ATP1A2: variants seen among roughly 807,000 people sequenced by gnomAD.
The protein encoded by ATP1A2 is ATPase Na+/K+ transporting subunit alpha 2.
ATP1A2 carries 56 observed loss-of-function variants against 113.1 expected under a neutral mutation model. The ratio of observed to expected loss-of-function variants is 0.49; its 90% CI spans 0.40 to 0.62. The LOEUF is 0.62. Among genes scored for constraint, ATP1A2 ranks in the 20% least tolerant of loss-of-function variants. ATP1A2 has a pLI of 0.00. For synonymous variants in ATP1A2, 490 were observed against 526.8 expected, an observed-to-expected ratio of 0.93 and a Z score of 0.96; for missense variants, 712 against 1,357.8, an observed-to-expected ratio of 0.52 and a Z score of 7.47.
At position 160,129,124 on chromosome 1, in the gene ATP1A2, G is replaced by A. The variant is rs983157919; in HGVS notation, c.1326+35G>A. 2.0e-6 allele frequency: 3 copies of A among 1,517,970 alleles called. No homozygotes were observed. The African/African-American group carries it at 5.7e-5, about 29-fold the overall frequency. 94.0% of individuals were successfully genotyped at this position (1,517,970 alleles called of 1,614,324 possible). A position where few individuals can be genotyped will look rare whatever the true frequency, so the allele number is the denominator to read the frequency against. On this transcript the variant is annotated intron_variant, in intron 10 of 22. Transcript: ENST00000361216. ...CAGGACACACACCAGGTATGTTTTG[G>A]GGGTGTCTCCAAAGCCTCTTGCTGG...
chr1:160,137,695 T>G (rs1651998808), intron 20 of ATP1A2, among the ~76,000 whole-genome samples: 1 of 152,208 alleles, frequency 6.6e-6, no homozygotes, highest in African/African-American at 2.4e-5. Flanking sequence ...AACTCAGTAA[T>G]GACTGTGATT....
intron 1 of ATP1A2, among the ~76,000 whole-genome samples, chr1:160,118,421 C>A (rs1651258914): frequency 6.6e-6 from 1 of 152,102 alleles, no homozygotes; most frequent in African/African-American, 2.4e-5. Flanking sequence ...GCATTTCTTC[C>A]TTTTCTCAGC....
chr1:160,118,282 C>T (rs1181339487), intron 1 of ATP1A2, among the ~76,000 whole-genome samples: 1 of 152,162 alleles, frequency 6.6e-6, no homozygotes, highest in African/African-American at 2.4e-5. Context: ...TTCCTCTGCA[C>T]CCTGCTCTTC....
chr1:160,130,193 T>G lies in ATP1A2; in HGVS notation c.1553T>G (p.Ile518Ser). ...CGCATTCTGGACCGGTGCTCCACCA[T>G]CCTGGTGCAGGGCAAGGAGATCCCG... The part of the protein sequence containing the change: ...PERILDRCST[I>S]LVQGKEIPLD... Residue 518 changes from isoleucine to serine, a missense_variant, in exon 12 of 23, where the codon ATC (isoleucine) becomes AGC (serine). Physicochemically the swap from Ile to Ser is moderately radical, Grantham distance 142 (BLOSUM62 -2). Transcript: ENST00000361216. The G allele has an allele frequency of 6.2e-7, 1 of 1,614,202 alleles. No homozygotes were observed.
At chr1:160,123,018 C>T (rs1396497608) in intron 3 of ATP1A2, among the ~76,000 whole-genome samples, 195 bp from the exon 4 acceptor site, 1 of 152,152 alleles carries the variant, frequency 6.6e-6, no homozygotes, top group African/African-American at 2.4e-5. Context: ...CCTTCTCAGC[C>T]CTCAAGCCCT....
At chr1:160,139,541 A>T in intron 20 of ATP1A2, 99 bp from the exon 21 acceptor site, 1 of 998,516 alleles carries the variant, frequency 1.0e-6, no homozygotes, top group Non-Finnish European at 1.6e-6. Context: ...TATGTCGTTT[A>T]GAATTCTCTC....
intron 1 of ATP1A2, among the ~76,000 whole-genome samples, chr1:160,116,551 C>T (rs1264536267): frequency 6.8e-6 from 1 of 146,348 alleles, no homozygotes; most frequent in Admixed American, 6.8e-5. Flanking sequence ...ACCCCCCCCC[C>T]AGTCCACCCG....
At chr1:160,118,171 A>G (rs1253781553) in intron 1 of ATP1A2, among the ~76,000 whole-genome samples, 1 of 152,256 alleles carries the variant, frequency 6.6e-6, no homozygotes, top group Admixed American at 6.5e-5. Flanking sequence ...TAGCTCAGCC[A>G]CAATCCAGCA....
In ATP1A2 at chr1:160,139,715, T is replaced by C. The variant is rs182260413; in HGVS notation, c.2916T>C (p.Gly972=). 38 of 1,614,212 alleles carry C rather than the reference T, an allele frequency of 2.4e-5. No individual in the cohort carries two copies. The highest frequency in any genetic ancestry group is 3.3e-4 in the Middle Eastern group (2 of 6,062). The part of the protein sequence containing the change: ...AAFLSYCPGM[G]VALRMYPLKV... The stretch of plus-strand genomic sequence containing the variant: ...TTCTCTCTTACTGCCCAGGCATGGG[T>C]GTAGCCCTCCGCATGTACCCGCTCA... The change falls in exon 21 of 23, where the codon GGT becomes GGC. Residue 972 remains glycine (G), a synonymous_variant. Transcript: ENST00000361216.
chr1:160,122,673 T>G (rs1014343766), intron 3 of ATP1A2, among the ~76,000 whole-genome samples: 5 of 152,118 alleles, frequency 3.3e-5, no homozygotes, highest in African/African-American at 1.2e-4. Flanking sequence ...AATGTAGGAC[T>G]TGAGCAGGGT....
intron 1 of ATP1A2, among the ~76,000 whole-genome samples, chr1:160,116,303 T>C (rs1375740288): frequency 6.6e-6 from 1 of 152,164 alleles, no homozygotes; most frequent in African/African-American, 2.4e-5. Flanking sequence ...CCTGAGAGGC[T>C]GGGGGTCCAT....
At position 160,120,795 on chromosome 1, in the gene ATP1A2, C is replaced by T. The variant is rs919451420; in HGVS notation, c.13-111C>T. The T allele has an allele frequency of 2.6e-5, 29 of 1,130,658 alleles. No individual in the cohort carries two copies. In the African/African-American group the frequency reaches 2.6e-4, roughly 10 times the overall value. 70.0% of individuals were successfully genotyped at this position (1,130,658 alleles called of 1,614,324 possible). A position where few individuals can be genotyped will look rare whatever the true frequency, so the allele number is the denominator to read the frequency against. On this transcript the variant is annotated intron_variant, in intron 1 of 22. Transcript: ENST00000361216. The stretch of plus-strand genomic sequence containing the variant: ...TCCCCCCTATCTCCCCCAAGGCAGC[C>T]GCTGCTTTTGAACACACACCCCCAC...
At chr1:160,134,788 G>A (rs921954688) in intron 14 of ATP1A2, among the ~76,000 whole-genome samples, 168 bp downstream of exon 14, 3 of 152,198 alleles carry the variant, frequency 2.0e-5, no homozygotes, top group Non-Finnish European at 2.9e-5. Flanking sequence ...TCCAGGCTGT[G>A]CCACTGAATA....
chr1:160,136,025 A>G, intron 17 of ATP1A2, 32 bp downstream of exon 17: 1 of 1,614,090 alleles, frequency 6.2e-7, no homozygotes, highest in African/African-American at 1.3e-5. Flanking sequence ...GGGGACAGGC[A>G]AGGCAATCGT....
intron 1 of ATP1A2, among the ~76,000 whole-genome samples, chr1:160,120,516 C>A (rs141363184): frequency 6.6e-6 from 1 of 152,198 alleles, no homozygotes. Context: ...AACAACCCCC[C>A]ACAAAACCCT....
Position 160,136,678 on chromosome 1 carries a change from C to T in ATP1A2, c.2672C>T (p.Thr891Ile). Residue 891 changes from threonine (T) to isoleucine (I), a missense_variant, in exon 19 of 23, where the codon ACC (threonine) becomes ATC (isoleucine). Thr to Ile is a moderately conservative substitution (Grantham distance 89, BLOSUM62 -1). Around this residue, in one of 6 missense-constraint regions of ATP1A2, gnomAD observed 188 missense variants for 438.9 expected, o/e 0.43. Coordinates refer to ENST00000361216, the MANE Select transcript of ATP1A2 (RefSeq NM_000702.4). ...LGIRLDWDDR[T>I]MNDLEDSYGQ... is the part of the protein sequence containing the mutation. ...ATCCGCCTCGACTGGGATGACCGGA[C>T]CATGAATGATCTGGAGGACAGCTAT... 1 of 1,614,228 alleles carries T rather than the reference C, an allele frequency of 6.2e-7. No homozygotes were observed. Among genetic ancestry groups the T allele is most frequent in the Non-Finnish European group, 8.5e-7 (1 of 1,180,048 alleles).
chr1:160,121,237 G>T lies in ATP1A2; in HGVS notation c.163G>T (p.Val55Leu). The T allele has an allele frequency of 6.2e-7, 1 of 1,614,240 alleles. No homozygotes were observed. Among genetic ancestry groups the T allele is most frequent in the Non-Finnish European group, 8.5e-7 (1 of 1,180,046 alleles). Residue 55 changes from valine to leucine, a missense_variant, in exon 3 of 23, where the codon GTG becomes TTG. Coordinates refer to ENST00000361216, the MANE Select transcript of ATP1A2 (RefSeq NM_000702.4). ...SLDELGRKYQ[V>L]DLSKGLTNQR... ...GGATGAGCTGGGCCGCAAATACCAA[G>T]TGGACCTGTCCAAGGTGAGTGGAGG...
chr1:160,134,050 CACAT>C (rs924061794), intron 13 of ATP1A2, among the ~76,000 whole-genome samples: 5 of 151,456 alleles, frequency 3.3e-5, no homozygotes, highest in Non-Finnish European at 5.9e-5. Context: ...CCCACACACA[CACAT>C]AGACACACAC....
rs1047899973 is a variant in ATP1A2 at position 160,127,688 on chromosome 1, G to A, written c.885G>A (p.Gly295=). The A allele has an allele frequency of 4.3e-6, 7 of 1,614,212 alleles. No homozygotes were observed. The highest frequency in any genetic ancestry group is 3.3e-4 in the Middle Eastern group (2 of 6,062). ...EIEHFIQLIT[G]VAVFLGVSFF... ...AACACTTCATCCAGCTGATCACAGG[G>A]GTCGCTGTATTCCTGGGGGTCTCCT... The change falls in exon 8 of 23, where the codon GGG becomes GGA. Residue 295 remains glycine (G), a synonymous_variant. Coordinates refer to ENST00000361216, the MANE Select transcript of ATP1A2 (RefSeq NM_000702.4).
Sources: allele counts gnomAD v4.1 joint callset (sites outside exome capture counted in the v4.1 genomes callset), GRCh38; gene constraint gnomAD v4.1.1; regional missense constraint gnomAD v4.1.1; transcripts MANE v1.5; gene names NCBI Gene and HGNC (gene_info 2026-07-23, HGNC 2026-07-21).